Variants in HDGFL3 observed in about 807,000 individuals in gnomAD.
The protein encoded by HDGFL3 is hepatoma-derived growth factor-related protein 3.
A neutral mutation model predicts 27.6 loss-of-function variants in HDGFL3; 6 were observed. That is an observed-to-expected ratio of 0.22 (90% CI 0.12 to 0.43). HDGFL3 has a LOEUF of 0.43. Among genes scored for constraint, HDGFL3 ranks in the 20% least tolerant of loss-of-function variants. The probability of loss-of-function intolerance (pLI) is 1.00; values close to 1 mark genes in which losing one functional copy is unlikely to be tolerated. For synonymous variants in HDGFL3, 88 were observed against 88.9 expected (o/e 0.99, Z 0.05); for missense variants, 207 against 250.1 (o/e 0.83, Z 1.16).
Position 83,198,054 on chromosome 15 carries a change from C to CAAAAAAAAAAAAAAAA in HDGFL3, c.84+9261_84+9276dup, listed in dbSNP as rs766372255. ...GGGGTGACAGAGAGAGACTCCGTCT[C>CAAAAAAAAAAAAAAAA]AAAAAAAAAAAAAAAAAAAAGAAGC... is the stretch of plus-strand genomic sequence containing the variant. On this transcript the variant is annotated intron_variant, in intron 1 of 5. Coordinates refer to ENST00000299633, the MANE Select transcript of HDGFL3 (RefSeq NM_016073.4). 3.0e-3 allele frequency among the ~76,000 whole-genome samples: 175 copies of CAAAAAAAAAAAAAAAA among 57,560 alleles called. 27 individuals are homozygous for CAAAAAAAAAAAAAAAA. The highest frequency in any genetic ancestry group is 0.013 in the African/African-American group (137 of 10,454). 37.8% of individuals were successfully genotyped at this position (57,560 alleles called of 152,430 possible).
At chr15:83,127,456 A>G (rs1003794587), downstream of HDGFL3, 3 of 1,613,898 alleles carry the variant, frequency 1.9e-6, no homozygotes, top group East Asian at 6.7e-5. Flanking sequence ...TCACATTGAT[A>G]CATGCTGGAG....
At chr15:83,193,578 A>C (rs2037537176) in intron 1 of HDGFL3, among the ~76,000 whole-genome samples, 1 of 152,206 alleles carries the variant, frequency 6.6e-6, no homozygotes, top group Non-Finnish European at 1.5e-5. Context: ...CAGGGCTTAG[A>C]CCCTGGACCA....
Position 83,143,869 on chromosome 15 carries a change from C to T in HDGFL3, c.607-4594G>A, listed in dbSNP as rs557423907. Among the ~76,000 whole-genome samples the T allele has an allele frequency of 2.6e-5, 4 of 152,158 alleles. No individual in the cohort carries two copies. In the East Asian group the frequency reaches 5.8e-4, roughly 22 times the overall value. On this transcript the variant is annotated intron_variant, in intron 5 of 5. Transcript: ENST00000299633. ...ATCATTCCAATGTTTATCCTCTGTC[C>T]CTCCCTCCAGTTGTGTGGTAGCCTT...
At chr15:83,203,231 T>G (rs1432474652) in intron 1 of HDGFL3, among the ~76,000 whole-genome samples, 1 of 152,050 alleles carries the variant, frequency 6.6e-6, no homozygotes, top group Admixed American at 6.6e-5. Context: ...ATAAGCAGAG[T>G]GCTCACATCT....
rs1419675438 is a variant in HDGFL3 at position 83,136,396 on chromosome 15, G to C, written c.*2874C>G. 3.4e-6 allele frequency: 4 copies of C among 1,190,816 alleles called. No individual in the cohort carries two copies. The highest frequency in any genetic ancestry group is 3.5e-6 in the Non-Finnish European group (3 of 869,250). The allele number at this position is 1,190,816 out of a possible 1,614,324, so 73.8% of individuals were successfully genotyped here. On this transcript the variant is annotated 3_prime_UTR_variant, in exon 6 of 6. Coordinates refer to ENST00000299633, the MANE Select transcript of HDGFL3 (RefSeq NM_016073.4). ...CTGGTTTTGAGGGCACAGAAACGTA[G>C]CCTGAATGAACCATTCAGAACTCAT...
At position 83,128,633 on chromosome 15, in the gene HDGFL3, A is replaced by T. The variant is rs757591889; in HGVS notation, c.*10637T>A. 6.6e-6 allele frequency: 1 copy of T among 152,048 alleles called. No homozygotes were observed. Among genetic ancestry groups the T allele is most frequent in the African/African-American group, 2.4e-5 (1 of 41,378 alleles). The allele number at this position is 152,048 out of a possible 1,614,324, so 9.4% of individuals were successfully genotyped here. ...TCCCAGACTCCTGTATTTCATTCCA[A>T]ACTCAGTCTTTTTACTTGCATGCCT... On this transcript the variant is annotated 3_prime_UTR_variant, in exon 6 of 6. Transcript: ENST00000299633.
At chr15:83,140,222 C>G (rs2036740717) in intron 5 of HDGFL3, among the ~76,000 whole-genome samples, 1 of 151,958 alleles carries the variant, frequency 6.6e-6, no homozygotes, top group South Asian at 2.1e-4. Context: ...AGAGAGTTAC[C>G]AAAACTTCCA....
At chr15:83,178,016 TTTCTTTCAAAA>T (rs1199226480) in intron 1 of HDGFL3, among the ~76,000 whole-genome samples, 1 of 152,204 alleles carries the variant, frequency 6.6e-6, no homozygotes, top group African/African-American at 2.4e-5. Context: ...AGTATCTGGG[TTTCTTTCAAAA>T]TGCGCAAGAG....
chr15:83,116,044 G>A (rs1359008557), intron 3 of HDGFL3: 8 of 868,246 alleles, frequency 9.2e-6, no homozygotes, highest in African/African-American at 5.0e-5. Context: ...GAACAGGTAC[G>A]CTACGCAGGC....
chr15:83,145,854 GTTCT>G (rs1182317396), intron 5 of HDGFL3, among the ~76,000 whole-genome samples: 15 of 72,086 alleles, frequency 2.1e-4, no homozygotes, highest in Admixed American at 5.7e-4. Flanking sequence ...CCCATGGTTT[GTTCT>G]TTCTTTTTTT....
Position 83,207,324 on chromosome 15 carries a change from T to C in HDGFL3, c.84+7A>G, listed in dbSNP as rs1309478159. The C allele has an allele frequency of 2.9e-6, 4 of 1,372,470 alleles. No homozygotes were observed. The highest frequency in any genetic ancestry group is 3.8e-6 in the Non-Finnish European group (4 of 1,059,436). 85.0% of individuals were successfully genotyped at this position (1,372,470 alleles called of 1,614,324 possible). A position where few individuals can be genotyped will look rare whatever the true frequency, so the allele number is the denominator to read the frequency against. On this transcript the variant is annotated splice_region_variant and intron_variant, in intron 1 of 5. Transcript: ENST00000299633. This position sits in a 1 kb window ranked among gnomAD's most constrained non-coding sequence, Gnocchi z 4.8. ...CGGGCGGGCCCGCGCGCGGCCGCGG[T>C]ACTCACCCGGGCCGGCCAGTGCGGG...
chr15:83,151,966 A>G (rs954698848), intron 4 of HDGFL3, among the ~76,000 whole-genome samples: 3 of 152,236 alleles, frequency 2.0e-5, no homozygotes, highest in Admixed American at 1.3e-4. Context: ...GTCATCTTGC[A>G]TTTGAAAACA....
intron 1 of HDGFL3, chr15:83,189,296 C>T (rs1446933735): frequency 3.3e-5 from 5 of 152,072 alleles, no homozygotes. Context: ...TTCCATCCTA[C>T]TTTAAAAACT....
chr15:83,151,411 T>A (rs548562599), intron 4 of HDGFL3, 50 bp from the exon 5 acceptor site: 3 of 1,508,608 alleles, frequency 2.0e-6, no homozygotes, highest in Admixed American at 1.9e-5. Context: ...GAAATCCAAA[T>A]GTACAAGTAA....
At chr15:83,164,367 CAAAAAAAAAAAA>C (rs869303457) in intron 1 of HDGFL3, among the ~76,000 whole-genome samples, 15 of 38,390 alleles carry the variant, frequency 3.9e-4, no homozygotes, top group South Asian at 1.3e-3. Context: ...TTAGAGTAAC[CAAAAAAAAAAAA>C]AAAAAAAAAA....
At chr15:83,153,532 A>AT (rs1168017537) in intron 4 of HDGFL3, among the ~76,000 whole-genome samples, 1 of 152,196 alleles carries the variant, frequency 6.6e-6, no homozygotes, top group Non-Finnish European at 1.5e-5. Context: ...CTATTTGGTA[A>AT]TCTTGAAAAG....
chr15:83,127,576 T>C (rs771798887), downstream of HDGFL3: 214 of 1,334,554 alleles, frequency 1.6e-4, no homozygotes, highest in Admixed American at 3.3e-4. Context: ...GACTAGGAGA[T>C]AGCTATTAGA....
intron 5 of HDGFL3, among the ~76,000 whole-genome samples, chr15:83,149,128 A>C (rs1020568692): frequency 6.6e-6 from 1 of 152,174 alleles, no homozygotes; most frequent in Non-Finnish European, 1.5e-5. Flanking sequence ...GTGTGATCCT[A>C]GGCCAATTCT....
At chr15:83,118,356 C>G (rs1240247939) in intron 3 of HDGFL3, among the ~76,000 whole-genome samples, 1 of 152,088 alleles carries the variant, frequency 6.6e-6, no homozygotes, top group Non-Finnish European at 1.5e-5. Context: ...TTGAAAGGAC[C>G]TGTGGCCTGT....
Sources: gnomAD v4.1 joint callset for allele counts (sites outside exome capture counted in the v4.1 genomes callset) on GRCh38, gnomAD v4.1.1 for gene constraint, Gnocchi (gnomAD v3.1) non-coding constraint, MANE v1.5 for transcripts, NCBI Gene and HGNC (gene_info 2026-07-23, HGNC 2026-07-21) for gene names.